Variants in TAF4 observed in about 807,000 individuals in gnomAD.
TAF4 encodes transcription initiation factor TFIID subunit 4.
Under a neutral mutation model 90.3 loss-of-function variants are expected in TAF4, and 9 were observed. That is an observed-to-expected ratio of 0.10 (90% confidence interval 0.06 to 0.17). The LOEUF (loss-of-function observed/expected upper bound fraction) is 0.17. Among genes scored for constraint, TAF4 ranks in the 10% least tolerant of loss-of-function variants. The pLI is 1.00. For synonymous variants in TAF4, 818 were observed against 638.9 expected, an observed-to-expected ratio of 1.28 and a Z score of -4.23; for missense variants, 1,351 against 1,370.7, an observed-to-expected ratio of 0.99 and a Z score of 0.23.
intron 5 of TAF4, 140 bp downstream of exon 5, chr20:62,008,912 C>T: frequency 8.5e-7 from 1 of 1,180,492 alleles, no homozygotes; most frequent in Non-Finnish European, 1.2e-6. Context: ...ACGTGTGCAC[C>T]CCTCCCCTTC....
At chr20:62,005,220 AG>A (rs904025732) in intron 7 of TAF4, 18 of 152,280 alleles carry the variant, frequency 1.2e-4, no homozygotes, top group African/African-American at 2.9e-4. Flanking sequence ...CGGTGCAGGG[AG>A]CCTGTCATCG....
intron 1 of TAF4, among the ~76,000 whole-genome samples, chr20:62,034,351 T>C (rs2055920727): frequency 6.6e-6 from 1 of 152,108 alleles, no homozygotes; most frequent in African/African-American, 2.4e-5. Context: ...TAGACAAGGG[T>C]CTCATTCTGT....
At chr20:62,041,335 A>G (rs2146851) in intron 1 of TAF4, among the ~76,000 whole-genome samples, 83,058 of 152,050 alleles carry the variant, frequency 0.55, 23,113 homozygotes, top group Middle Eastern at 0.66. Flanking sequence ...GAGAGCCCCT[A>G]CCCTCAAACT....
At chr20:62,021,770 A>G (rs987976920) in intron 1 of TAF4, among the ~76,000 whole-genome samples, 2 of 152,078 alleles carry the variant, frequency 1.3e-5, no homozygotes, top group South Asian at 2.1e-4. Flanking sequence ...CAAAACAGGC[A>G]TATGATTAAA....
At position 61,991,687 on chromosome 20, in the gene TAF4, C is replaced by T. The variant is rs368735490; in HGVS notation, c.3090+5863G>A. 4.6e-5 allele frequency among the ~76,000 whole-genome samples: 7 copies of T among 151,968 alleles called. No homozygotes were observed. In the East Asian group the frequency reaches 7.7e-4, roughly 17 times the overall value. ...TCCAGCAGGCAAAGAAGATACAACA[C>T]GTGGAAAATGGGACTCTCTGAAGAA... On this transcript the variant is annotated intron_variant, in intron 14 of 14. Transcript: ENST00000252996.
intron 1 of TAF4, among the ~76,000 whole-genome samples, chr20:62,041,636 A>G (rs2055964310): frequency 6.6e-6 from 1 of 152,048 alleles, no homozygotes; most frequent in African/African-American, 2.4e-5. Flanking sequence ...CTCAAAAAAA[A>G]AAGAAAAAAG....
intron 1 of TAF4, among the ~76,000 whole-genome samples, chr20:62,055,747 C>T (rs188440301): frequency 1.3e-5 from 2 of 152,222 alleles, no homozygotes; most frequent in Non-Finnish European, 2.9e-5. Flanking sequence ...TCCCTGACTA[C>T]CCTGCCCAGC....
At chr20:62,023,293 A>G (rs1029182667) in intron 1 of TAF4, among the ~76,000 whole-genome samples, 1 of 149,848 alleles carries the variant, frequency 6.7e-6, no homozygotes, top group Non-Finnish European at 1.5e-5. Context: ...AACACAAAAA[A>G]TTAGTTGGGC....
chr20:62,064,649 C>A lies in TAF4; in HGVS notation c.1162G>T (p.Ala388Ser). The part of the protein sequence containing the change: ...TMQGALPSPA[A>S]VPPPAPGTPT... ...GTCCCGGGGGCGGGCGGCGGGACGG[C>A]GGCCGGGCTGGGCAGCGCCCCTTGC... The change falls in exon 1 of 15, where the codon GCC becomes TCC. Residue 388 changes from alanine (A) to serine (S), a missense_variant. Transcript: ENST00000252996. 1.5e-6 allele frequency: 2 copies of A among 1,322,210 alleles called. No individual in the cohort carries two copies. The highest frequency in any genetic ancestry group is 1.9e-6 in the Non-Finnish European group (2 of 1,043,208). 81.9% of individuals were successfully genotyped at this position (1,322,210 alleles called of 1,614,324 possible). A position where few individuals can be genotyped will look rare whatever the true frequency, so the allele number is the denominator to read the frequency against.
At chr20:61,998,844 G>A (rs2055679832) in intron 12 of TAF4, 139 bp downstream of exon 12, 1 of 1,096,388 alleles carries the variant, frequency 9.1e-7, no homozygotes, top group Non-Finnish European at 1.3e-6. Flanking sequence ...CAGCTCCACT[G>A]ACAGCACCCA....
chr20:62,038,699 T>C (rs1371640912), intron 1 of TAF4, among the ~76,000 whole-genome samples: 2 of 152,160 alleles, frequency 1.3e-5, no homozygotes, highest in African/African-American at 2.4e-5. Context: ...ACACTCGATA[T>C]TGCTAAGATA....
In TAF4 at chr20:61,997,633, C is replaced by T; in HGVS notation, c.3007G>A (p.Asp1003Asn). 6.2e-7 allele frequency: 1 copy of T among 1,613,370 alleles called. No individual in the cohort carries two copies. The highest frequency in any genetic ancestry group is 8.5e-7 in the Non-Finnish European group (1 of 1,179,792). ...GCTGCTAGTGCTGTGAGGTTGGCGT[C>T]CCGCTGTCTCATTTGTGCCAGTTCC... Reference protein sequence around the residue: ...QQELAQMRQRDANLTALAAIG... With the variant: ...QQELAQMRQRNANLTALAAIG... The change falls in exon 14 of 15, where the codon GAC (aspartate) becomes AAC (asparagine). Residue 1003 changes from aspartate (D) to asparagine (N), a missense_variant. Around this residue, in one of 9 missense-constraint regions of TAF4, gnomAD observed 18 missense variants for 60.0 expected, o/e 0.30. Transcript: ENST00000252996.
intron 1 of TAF4, among the ~76,000 whole-genome samples, chr20:62,049,390 G>T (rs2056013210): frequency 6.6e-6 from 1 of 152,086 alleles, no homozygotes; most frequent in South Asian, 2.1e-4. Context: ...CAACACACAG[G>T]CCCACTTCTG....
chr20:62,034,213 C>T (rs1229371950), intron 1 of TAF4, among the ~76,000 whole-genome samples: 2 of 152,098 alleles, frequency 1.3e-5, no homozygotes, highest in Non-Finnish European at 2.9e-5. Context: ...TAGGTGCGAC[C>T]CTCAAAAAAT....
chr20:62,048,240 TTC>T (rs1437007616), intron 1 of TAF4, among the ~76,000 whole-genome samples: 1 of 152,072 alleles, frequency 6.6e-6, no homozygotes, highest in Non-Finnish European at 1.5e-5. Context: ...CCTCTGGGAG[TTC>T]TGTTGTACCA....
rs1273231894 is a variant in TAF4 at position 61,997,554 on chromosome 20, G to A, written c.3086C>T (p.Ala1029Val). Residue 1029 changes from alanine to valine, a missense_variant, in exon 14 of 15, where the codon GCA becomes GTA. Physicochemically the swap from Ala to Val is moderately conservative, Grantham distance 64. Coordinates refer to ENST00000252996, the MANE Select transcript of TAF4 (RefSeq NM_003185.4). ...GATCCCACAACACTGCCGTACCTCT[G>A]CTCCTGAGCCCGGCCCCGGACAGTC... ...KVDCPGPGSG[A>V]EGSGPGSVVP... 2 of 1,595,858 alleles carry A rather than the reference G, an allele frequency of 1.3e-6. No individual in the cohort carries two copies. Among genetic ancestry groups the A allele is most frequent in the Non-Finnish European group, 1.7e-6 (2 of 1,172,640 alleles).
intron 5 of TAF4, 173 bp downstream of exon 5, chr20:62,008,879 G>T: frequency 2.5e-6 from 2 of 815,230 alleles, no homozygotes; most frequent in Non-Finnish European, 3.6e-6. Flanking sequence ...AGTCTCCTTA[G>T]CTAGGCCACA....
intron 1 of TAF4, among the ~76,000 whole-genome samples, chr20:62,021,590 C>T (rs902729735): frequency 2.6e-5 from 4 of 152,250 alleles, no homozygotes; most frequent in East Asian, 3.9e-4. Context: ...CTGCGGACTG[C>T]GGCTGGGCAG....
chr20:62,042,560 C>T (rs542223350), intron 1 of TAF4, among the ~76,000 whole-genome samples: 8 of 152,336 alleles, frequency 5.3e-5, no homozygotes, highest in East Asian at 1.9e-4. Flanking sequence ...TACTGTGGGG[C>T]GGGAGCCCAA....
Sources: gnomAD v4.1 joint callset for allele counts (sites outside exome capture counted in the v4.1 genomes callset) on GRCh38, gnomAD v4.1.1 for gene constraint, gnomAD v4.1.1 regional missense constraint, MANE v1.5 for transcripts, NCBI Gene and HGNC (gene_info 2026-07-23, HGNC 2026-07-21) for gene names.